The following PTPRR variants were observed in gnomAD, a reference collection of about 807,000 sequenced individuals.
PTPRR encodes protein tyrosine phosphatase receptor type R.
A neutral mutation model predicts 77.2 loss-of-function variants in PTPRR; 38 were observed. The observed-to-expected ratio is 0.49, with a 90% confidence interval of 0.38 to 0.65. The LOEUF is 0.65. Ranked by LOEUF, PTPRR falls within the 30% of genes least tolerant of loss-of-function variation. PTPRR has a pLI of 0.00. For missense variants in PTPRR, 744 were observed against 799.2 expected (o/e 0.93, Z 0.83); for synonymous variants, 299 against 283.1 (o/e 1.06, Z -0.57).
In PTPRR at chr12:70,661,058, T is replaced by C. The variant is rs1329354971; in HGVS notation, c.1648A>G (p.Thr550Ala). The change falls in exon 12 of 14, where the codon ACC (threonine) becomes GCC (alanine). Residue 550 changes from threonine (T) to alanine (A), a missense_variant. Physicochemically the swap from Thr to Ala is moderately conservative, Grantham distance 58 (BLOSUM62 0). Coordinates refer to ENST00000283228, the MANE Select transcript of PTPRR (RefSeq NM_002849.4). ...GGAGTCTTGTGATCAGGCCATGAGG[T>C]GTACCAGTAATGCTTCACATGTTGG... is the stretch of plus-strand genomic sequence containing the variant. ...HTQHVKHYWY[T>A]SWPDHKTPDS... 2.5e-6 allele frequency: 4 copies of C among 1,612,854 alleles called. No homozygotes were observed. The highest frequency in any genetic ancestry group is 3.4e-6 in the Non-Finnish European group (4 of 1,179,460).
chr12:70,663,906 A>G (rs1040805244), intron 10 of PTPRR, among the ~76,000 whole-genome samples: 3 of 152,218 alleles, frequency 2.0e-5, no homozygotes, highest in Non-Finnish European at 4.4e-5. Flanking sequence ...ATAAAAATTT[A>G]AATACTTATA....
chr12:70,905,070 A>G (rs2137130744), intron 1 of PTPRR, among the ~76,000 whole-genome samples: 1 of 142,836 alleles, frequency 7.0e-6, no homozygotes, highest in African/African-American at 2.7e-5. Context: ...AGTAGACTGA[A>G]CTCCCCCAGA....
At chr12:70,817,304 G>A (rs1437007700) in intron 2 of PTPRR, among the ~76,000 whole-genome samples, 2 of 151,986 alleles carry the variant, frequency 1.3e-5, no homozygotes, top group African/African-American at 2.4e-5. Flanking sequence ...TTTCCTTTTT[G>A]TTGCTACAAA....
chr12:70,859,323 T>C (rs1892709301), intron 2 of PTPRR, among the ~76,000 whole-genome samples: 1 of 152,068 alleles, frequency 6.6e-6, no homozygotes, highest in Admixed American at 6.6e-5. Context: ...TTCCCCTTCA[T>C]CTGAGTTGGG....
chr12:70,639,519 C>T, intron 13 of PTPRR: 1 of 1,235,138 alleles, frequency 8.1e-7, no homozygotes, highest in South Asian at 2.2e-5. Flanking sequence ...TAATTTTTAC[C>T]TGTGTAACAT....
At chr12:70,714,634 G>A (rs1888951530) in intron 6 of PTPRR, among the ~76,000 whole-genome samples, 1 of 152,152 alleles carries the variant, frequency 6.6e-6, no homozygotes, top group South Asian at 2.1e-4. Context: ...GCCATGGAAA[G>A]TCTTCTACTG....
At chr12:70,651,288 C>T (rs1438595654) in intron 13 of PTPRR, among the ~76,000 whole-genome samples, 5 of 152,216 alleles carry the variant, frequency 3.3e-5, no homozygotes, top group African/African-American at 7.2e-5. Flanking sequence ...CAGATCACTT[C>T]GTTTAGATTG....
intron 2 of PTPRR, among the ~76,000 whole-genome samples, chr12:70,835,712 A>G (rs1892289175): frequency 6.6e-6 from 1 of 152,152 alleles, no homozygotes; most frequent in Non-Finnish European, 1.5e-5. Flanking sequence ...TCATGCTAGA[A>G]AAGTAAAACC....
At chr12:70,840,463 A>G (rs529056021) in intron 2 of PTPRR, among the ~76,000 whole-genome samples, 91 of 152,286 alleles carry the variant, frequency 6.0e-4, no homozygotes, top group African/African-American at 2.0e-3. Context: ...GTAAAGCAAC[A>G]CATTCGCAGT....
intron 8 of PTPRR, among the ~76,000 whole-genome samples, chr12:70,689,003 A>G (rs12424510): frequency 0.076 from 10,300 of 136,184 alleles, 390 homozygotes; most frequent in African/African-American, 0.087. Context: ...TAGAGAGTAG[A>G]ATGGTGGTTA....
At chr12:70,759,922 G>A (rs1451292960) in intron 4 of PTPRR, among the ~76,000 whole-genome samples, 1 of 152,112 alleles carries the variant, frequency 6.6e-6, no homozygotes, top group Non-Finnish European at 1.5e-5. Flanking sequence ...GAAGAATCAC[G>A]AAATTAGGAG....
intron 2 of PTPRR, among the ~76,000 whole-genome samples, chr12:70,786,349 C>T (rs1389542046): frequency 4.6e-5 from 7 of 152,088 alleles, no homozygotes; most frequent in South Asian, 4.1e-4. Context: ...CAGCCCCCAA[C>T]GACTTTGCAT....
intron 6 of PTPRR, among the ~76,000 whole-genome samples, chr12:70,743,058 G>A (rs982899958): frequency 6.6e-6 from 1 of 152,072 alleles, no homozygotes; most frequent in Non-Finnish European, 1.5e-5. Context: ...ACTTTTTCAG[G>A]AATCACTAAA....
chr12:70,684,570 TA>T, intron 9 of PTPRR, 133 bp downstream of exon 9: 1 of 713,656 alleles, frequency 1.4e-6, no homozygotes, highest in Non-Finnish European at 2.3e-6. Context: ...ATGACTAAGA[TA>T]AAAAACCAAA....
rs541825795 is a variant in PTPRR at position 70,728,228 on chromosome 12, A to C, written c.1007+17590T>G. ...TTTTTTTTTTTTCAGATTTTGGAATATTTGCCATACATATATACAGAGCTC... is the reference window on the plus strand; with the variant it reads ...TTTTTTTTTTTTCAGATTTTGGAATCTTTGCCATACATATATACAGAGCTC... On this transcript the variant is annotated intron_variant, in intron 6 of 13. Coordinates refer to ENST00000283228, the MANE Select transcript of PTPRR (RefSeq NM_002849.4). Among the ~76,000 whole-genome samples the C allele has an allele frequency of 3.2e-5, 4 of 123,128 alleles. No homozygotes were observed. The East Asian group carries it at 1.0e-3, about 31-fold the overall frequency. 80.8% of individuals were successfully genotyped at this position (123,128 alleles called of 152,430 possible).
intron 6 of PTPRR, among the ~76,000 whole-genome samples, chr12:70,710,703 T>C (rs1888794437): frequency 6.6e-6 from 1 of 151,452 alleles, no homozygotes; most frequent in Non-Finnish European, 1.5e-5. Flanking sequence ...TTAACAAATT[T>C]ACAAGAAAAA....
At chr12:70,688,256 T>C (rs1887941097) in intron 8 of PTPRR, among the ~76,000 whole-genome samples, 1 of 152,186 alleles carries the variant, frequency 6.6e-6, no homozygotes, top group African/African-American at 2.4e-5. Flanking sequence ...AAAAAGCTTC[T>C]GCACAGCAAA....
intron 6 of PTPRR, among the ~76,000 whole-genome samples, chr12:70,719,190 A>G (rs1889147126): frequency 6.6e-6 from 1 of 152,134 alleles, no homozygotes; most frequent in African/African-American, 2.4e-5. Flanking sequence ...TCTGGTTAGG[A>G]CAGGAATCAC....
intron 4 of PTPRR, among the ~76,000 whole-genome samples, chr12:70,756,960 A>G (rs1890578546): frequency 1.3e-5 from 2 of 152,186 alleles, no homozygotes; most frequent in South Asian, 4.1e-4. Context: ...GACTTGGCAG[A>G]TAAATGAGAT....
Sources: allele counts gnomAD v4.1 joint callset (sites outside exome capture counted in the v4.1 genomes callset), GRCh38; gene constraint gnomAD v4.1.1; transcripts MANE v1.5; gene names NCBI Gene and HGNC (gene_info 2026-07-23, HGNC 2026-07-21).